Variants in MYH4 observed in about 807,000 individuals in gnomAD.
MYH4 encodes myosin heavy chain 4.
A neutral mutation model predicts 229.9 loss-of-function variants in MYH4; 200 were observed. That is an observed-to-expected ratio of 0.87 (90% CI 0.78 to 0.98). The LOEUF (loss-of-function observed/expected upper bound fraction) is 0.98. Ranked by LOEUF, MYH4 falls within the 50% of genes least tolerant of loss-of-function variation. The pLI, the probability that MYH4 is intolerant of heterozygous loss-of-function variation, is 0.00. For missense variants in MYH4, 2,148 were observed against 2,332.6 expected, an observed-to-expected ratio of 0.92 and a Z score of 1.63; for synonymous variants, 761 against 834.6, an observed-to-expected ratio of 0.91 and a Z score of 1.52.
At chr17:10,445,451 A>G in intron 35 of MYH4, 89 bp from the exon 36 acceptor site, 1 of 1,503,948 alleles carries the variant, frequency 6.6e-7, no homozygotes, top group Non-Finnish European at 9.0e-7. Context: ...GGCAAAAATT[A>G]TTGATCATAA....
rs1183764259 is a variant in MYH4, at chr17:10,466,348, C to T, written c.273G>A (p.Met91Ile). ...GCTCATGCAGGTGAGTCATCATGGCCATGTCCTCGATCTTGTCATATTTGG... is the reference window on the plus strand; with the variant it reads ...GCTCATGCAGGTGAGTCATCATGGCTATGTCCTCGATCTTGTCATATTTGG... ...NPPKYDKIED[M>I]AMMTHLHEPA... The change falls in exon 4 of 40, where the codon ATG (methionine) becomes ATA (isoleucine). Residue 91 changes from methionine (M) to isoleucine (I), a missense_variant. Transcript: ENST00000255381. The T allele has an allele frequency of 3.1e-6, 5 of 1,614,036 alleles. No individual in the cohort carries two copies. Among genetic ancestry groups the T allele is most frequent in the Non-Finnish European group, 4.2e-6 (5 of 1,180,024 alleles).
chr17:10,451,761 T>C (rs1178799696), intron 27 of MYH4, among the ~76,000 whole-genome samples, 180 bp downstream of exon 27: 5 of 152,182 alleles, frequency 3.3e-5, no homozygotes, highest in African/African-American at 9.7e-5. Flanking sequence ...GGTTAAAGTG[T>C]TTTCTACAAA....
Position 10,447,025 on chromosome 17 carries a change from A to C in MYH4, c.5157T>G (p.Leu1719=). ...ELLDASERVQ[L]LHTQNTSLIN... The stretch of plus-strand genomic sequence containing the variant: ...TCTTGAACCTCACCTGAGTGTGCAG[A>C]AGTTGCACACGTTCACTGGCATCCA... The change falls in exon 35 of 40, where the codon CTT becomes CTG. Residue 1719 remains leucine, a synonymous_variant. Coordinates refer to ENST00000255381, the MANE Select transcript of MYH4 (RefSeq NM_017533.2). 6.2e-7 allele frequency: 1 copy of C among 1,613,946 alleles called. No homozygotes were observed. Among genetic ancestry groups the C allele is most frequent in the Non-Finnish European group, 8.5e-7 (1 of 1,179,876 alleles).
rs1273215925 is a variant in MYH4 at position 10,464,597 on chromosome 17, C to T, written c.534-11G>A. 1 of 1,613,960 alleles carries T rather than the reference C, an allele frequency of 6.2e-7. No individual in the cohort carries two copies. ...GCACCAGATTCTCCACTATCAAGTT[C>T]AAACAGAAGAAAAGGTCAGAATCTA... On this transcript the variant is annotated splice_polypyrimidine_tract_variant and intron_variant, in intron 6 of 39. Coordinates refer to ENST00000255381, the MANE Select transcript of MYH4 (RefSeq NM_017533.2).
intron 22 of MYH4, 138 bp downstream of exon 22, chr17:10,454,417 G>T: frequency 8.8e-7 from 1 of 1,131,816 alleles, no homozygotes; most frequent in Non-Finnish European, 1.3e-6. Flanking sequence ...ATGTGACTTT[G>T]CATCTATTGC....
At chr17:10,448,818 A>G (rs1024699926) in intron 31 of MYH4, 35 bp from the exon 32 acceptor site, 2 of 1,612,756 alleles carry the variant, frequency 1.2e-6, no homozygotes, top group African/African-American at 2.7e-5. Context: ...TTTGAAACCA[A>G]GAATGATGTC....
intron 16 of MYH4, among the ~76,000 whole-genome samples, chr17:10,457,011 C>T (rs2072647061): frequency 6.6e-6 from 1 of 152,240 alleles, no homozygotes; most frequent in South Asian, 2.1e-4. Context: ...GTTACTTGCA[C>T]ATCTGGTCTT....
rs970629889 is a variant in MYH4, at chr17:10,460,042, C to T, written c.1326G>A (p.Met442Ile). The change falls in exon 14 of 40, where the codon ATG (methionine) becomes ATA (isoleucine). Residue 442 changes from methionine to isoleucine, a missense_variant. Coordinates refer to ENST00000255381, the MANE Select transcript of MYH4 (RefSeq NM_017533.2). ...CCAGCTGCTGGTTGATGCGGGTGACCATCCACAGGAACATCTTCTCGTAGA... is the reference window on the plus strand; with the variant it reads ...CCAGCTGCTGGTTGATGCGGGTGACTATCCACAGGAACATCTTCTCGTAGA... Reference protein sequence around the residue: ...KAIYEKMFLWMVTRINQQLDT... With the variant: ...KAIYEKMFLWIVTRINQQLDT... The T allele has an allele frequency of 6.2e-7, 1 of 1,614,004 alleles. No individual in the cohort carries two copies. Among genetic ancestry groups the T allele is most frequent in the Non-Finnish European group, 8.5e-7 (1 of 1,180,012 alleles).
Position 10,465,586 on chromosome 17 carries a change from G to T in MYH4, c.361C>A (p.Leu121Ile). ...TAGGGGTTGACGGTGACACAGAAGA[G>T]GCCCGAGTAGGTCTGTGGGAAAGGA... ...AAWMIYTYSG[L>I]FCVTVNPYKW... is the part of the protein sequence containing the mutation. Residue 121 changes from leucine (L) to isoleucine (I), a missense_variant, in exon 5 of 40, where the codon CTC becomes ATC. Transcript: ENST00000255381. 6.2e-7 allele frequency: 1 copy of T among 1,614,084 alleles called. No individual in the cohort carries two copies.
rs7214349 is a variant in MYH4 at position 10,450,473 on chromosome 17, T to C, written c.4161A>G (p.Thr1387=). The change falls in exon 30 of 40, where the codon ACA becomes ACG. Residue 1387 remains threonine (T), a synonymous_variant. Transcript: ENST00000255381. ...CATACTTGGCCTCCTCCAGCTCCTC[T>C]GTGCGCTGGATGGCGTCCGTCTCGT... ...TKYETDAIQR[T]EELEEAKKKL... 2.1e-3 allele frequency: 3,388 copies of C among 1,614,014 alleles called. 69 individuals are homozygous for C. The African/African-American group carries it at 0.039, about 19-fold the overall frequency.
At chr17:10,466,153 CAAACA>C in intron 4 of MYH4, 115 bp downstream of exon 4, 1 of 1,191,214 alleles carries the variant, frequency 8.4e-7, no homozygotes, top group Non-Finnish European at 1.2e-6. Context: ...CAACATTAAC[CAAACA>C]ATTGGTCATA....
chr17:10,456,569 T>A lies in MYH4; in HGVS notation c.1898-14A>T. On this transcript the variant is annotated splice_polypyrimidine_tract_variant and intron_variant, in intron 16 of 39. Transcript: ENST00000255381. ...CACCACCACCCTCTAAAAAACAAAA[T>A]GGGAAAAATAAAGTTATTTGCAACT... is the stretch of plus-strand genomic sequence containing the variant. 6.2e-7 allele frequency: 1 copy of A among 1,612,104 alleles called. No individual in the cohort carries two copies. Among genetic ancestry groups the A allele is most frequent in the Non-Finnish European group, 8.5e-7 (1 of 1,178,402 alleles).
Position 10,443,407 on chromosome 17 carries a change from C to T in MYH4, c.5788G>A (p.Glu1930Lys). Reference protein sequence around the residue: ...QVNKLRVKSREVHTKVISEE With the variant: ...QVNKLRVKSRKVHTKVISEE ...TCACTTATGACTTTTGTGTGAACCT[C>T]CCGACTCTTCACTCTCAGCTTGTTG... The change falls in exon 40 of 40, where the codon GAG becomes AAG. Residue 1930 changes from glutamate to lysine, a missense_variant. Coordinates refer to ENST00000255381, the MANE Select transcript of MYH4 (RefSeq NM_017533.2). The surrounding 1 kb of genome is among the most constrained non-coding windows in gnomAD (Gnocchi z 4.6). The T allele has an allele frequency of 6.2e-7, 1 of 1,614,126 alleles. No homozygotes were observed. The highest frequency in any genetic ancestry group is 1.1e-5 in the South Asian group (1 of 91,076).
chr17:10,457,671 G>C lies in MYH4; in HGVS notation c.1646C>G (p.Thr549Ser). The change falls in exon 16 of 40, where the codon ACC becomes AGC. Residue 549 changes from threonine to serine, a missense_variant. Thr to Ser is a moderately conservative substitution (Grantham distance 58). Coordinates refer to ENST00000255381, the MANE Select transcript of MYH4 (RefSeq NM_017533.2). ...EECMFPKATDTSFKNKLYEQH... is the reference protein window; with the variant it reads ...EECMFPKATDSSFKNKLYEQH... Reference sequence around the variant, plus strand: ...TTCATACAGCTTGTTCTTGAAGGAGGTGTCTGTTGCCTTGGGGAACATGCA... The same window carrying C: ...TTCATACAGCTTGTTCTTGAAGGAGCTGTCTGTTGCCTTGGGGAACATGCA... The C allele has an allele frequency of 6.2e-7, 1 of 1,614,192 alleles. No homozygotes were observed. The highest frequency in any genetic ancestry group is 8.5e-7 in the Non-Finnish European group (1 of 1,180,024).
At chr17:10,467,705 C>A (rs1299228938) in intron 2 of MYH4, among the ~76,000 whole-genome samples, 1 of 152,092 alleles carries the variant, frequency 6.6e-6, no homozygotes, top group African/African-American at 2.4e-5. Flanking sequence ...TTTAAAAATA[C>A]CAACCAGTCT....
intron 28 of MYH4, among the ~76,000 whole-genome samples, 174 bp downstream of exon 28, chr17:10,451,152 A>G (rs948165656): frequency 1.3e-5 from 2 of 152,160 alleles, no homozygotes; most frequent in African/African-American, 4.8e-5. Flanking sequence ...CTTTTCCCCA[A>G]TTGTCGCTTA....
At chr17:10,447,312 T>C in intron 34 of MYH4, 96 bp from the exon 35 acceptor site, 4 of 1,062,766 alleles carry the variant, frequency 3.8e-6, no homozygotes, top group Admixed American at 5.0e-5. Flanking sequence ...TGACTTAGAG[T>C]ATGATTAGAT....
At chr17:10,446,590 A>T (rs1328793648) in intron 35 of MYH4, among the ~76,000 whole-genome samples, 8 of 152,224 alleles carry the variant, frequency 5.3e-5, no homozygotes, top group Admixed American at 5.2e-4. Flanking sequence ...ATGAATTTGA[A>T]CTAAAGAGCT....
rs758103116 is a variant in MYH4, at chr17:10,452,303, T to C, written c.3376A>G (p.Ile1126Val). Residue 1126 changes from isoleucine to valine, a missense_variant, in exon 27 of 40, where the codon ATC becomes GTC. By Grantham distance (29) the Ile-to-Val change is conservative. Transcript: ENST00000255381. ...GCCCGGGAGGCCCGCTCTGCCTCGATTTCCTCCTCCAGCTCCTCAATGCGG... is the reference window on the plus strand; with the variant it reads ...GCCCGGGAGGCCCGCTCTGCCTCGACTTCCTCCTCCAGCTCCTCAATGCGG... Reference protein sequence around the residue: ...QARIEELEEEIEAERASRAKA... With the variant: ...QARIEELEEEVEAERASRAKA... The C allele has an allele frequency of 6.8e-6, 11 of 1,614,128 alleles. No homozygotes were observed. The highest frequency in any genetic ancestry group is 9.3e-6 in the Non-Finnish European group (11 of 1,180,032).
Sources: gnomAD v4.1 joint callset for allele counts (sites outside exome capture counted in the v4.1 genomes callset) on GRCh38, gnomAD v4.1.1 for gene constraint, Gnocchi (gnomAD v3.1) non-coding constraint, MANE v1.5 for transcripts, NCBI Gene and HGNC (gene_info 2026-07-23, HGNC 2026-07-21) for gene names.